The following PDE3B variants were observed in gnomAD, a reference collection of about 807,000 sequenced individuals.
The protein encoded by PDE3B is cGMP-inhibited 3',5'-cyclic phosphodiesterase 3B.
Under a neutral mutation model 116.8 loss-of-function variants are expected in PDE3B, and 66 were observed. The observed-to-expected ratio is 0.56, with a 90% confidence interval of 0.46 to 0.69. PDE3B has a LOEUF of 0.69. Among genes scored for constraint, PDE3B ranks in the 30% least tolerant of loss-of-function variants. PDE3B has a pLI of 0.00. For synonymous variants in PDE3B, 595 were observed against 533.6 expected, an observed-to-expected ratio of 1.12 and a Z score of -1.59; for missense variants, 1,384 against 1,368.1, an observed-to-expected ratio of 1.01 and a Z score of -0.18.
chr11:14,669,946 A>G (rs1041768606), intron 1 of PDE3B, among the ~76,000 whole-genome samples: 10 of 152,198 alleles, frequency 6.6e-5, no homozygotes, highest in African/African-American at 2.4e-4. Context: ...GTTAATCTTT[A>G]TATTGCATAT....
At chr11:14,663,593 A>C (rs980620955) in intron 1 of PDE3B, among the ~76,000 whole-genome samples, 1 of 152,226 alleles carries the variant, frequency 6.6e-6, no homozygotes, top group Non-Finnish European at 1.5e-5. Flanking sequence ...AGCCAATGGA[A>C]AACAAAAAAA....
intron 1 of PDE3B, among the ~76,000 whole-genome samples, chr11:14,664,751 G>C (rs1169254176): frequency 7.2e-5 from 11 of 152,122 alleles, no homozygotes; most frequent in Admixed American, 3.3e-4. Flanking sequence ...CCAATAACAG[G>C]CTCTGAAATT....
chr11:14,781,552 A>T (rs1054459734), intron 2 of PDE3B, among the ~76,000 whole-genome samples: 6 of 152,248 alleles, frequency 3.9e-5, no homozygotes, highest in African/African-American at 1.4e-4. Context: ...AGAACCAAAG[A>T]CAAAAACCAC....
At chr11:14,756,073 C>T (rs1857173090) in intron 1 of PDE3B, among the ~76,000 whole-genome samples, 2 of 152,020 alleles carry the variant, frequency 1.3e-5, no homozygotes, top group South Asian at 4.2e-4. Flanking sequence ...ATTAAGAATC[C>T]AAGGTTTAAT....
chr11:14,741,965 A>G (rs1856787350), intron 1 of PDE3B, among the ~76,000 whole-genome samples: 1 of 152,102 alleles, frequency 6.6e-6, no homozygotes, highest in Non-Finnish European at 1.5e-5. Flanking sequence ...ATCCGCTGTT[A>G]GTCTGATGGG....
chr11:14,742,823 T>C (rs931965512), intron 1 of PDE3B, among the ~76,000 whole-genome samples: 5 of 152,134 alleles, frequency 3.3e-5, no homozygotes. Flanking sequence ...GTCAGGCCCC[T>C]ATGCTGCAGG....
At chr11:14,739,647 G>A (rs531068377) in intron 1 of PDE3B, among the ~76,000 whole-genome samples, 13 of 152,292 alleles carry the variant, frequency 8.5e-5, no homozygotes, top group African/African-American at 3.1e-4. Context: ...TTGTTGACTA[G>A]GAGTGCTGAG....
At chr11:14,822,700 G>T (rs1348647508) in intron 7 of PDE3B, among the ~76,000 whole-genome samples, 2 of 152,246 alleles carry the variant, frequency 1.3e-5, no homozygotes, top group Non-Finnish European at 2.9e-5. Context: ...AGGAGCTATA[G>T]ATACTTGGGT....
At chr11:14,746,902 C>T (rs545093079) in intron 1 of PDE3B, among the ~76,000 whole-genome samples, 48 of 152,224 alleles carry the variant, frequency 3.2e-4, no homozygotes, top group African/African-American at 1.1e-3. Flanking sequence ...GACATTTTTG[C>T]ATCACTATAA....
chr11:14,805,047 A>G lies in PDE3B; in HGVS notation c.1522+997A>G, dbSNP rs1005941029. Among the ~76,000 whole-genome samples the G allele has an allele frequency of 3.9e-5, 6 of 152,178 alleles. No homozygotes were observed. The East Asian group carries it at 5.8e-4, about 15-fold the overall frequency. On this transcript the variant is annotated intron_variant, in intron 5 of 15. Coordinates refer to ENST00000282096, the MANE Select transcript of PDE3B (RefSeq NM_000922.4). ...ACATATGGGACACAGAAGTTCTAAAATATGTGTGACTGAAGTTCCAGAAGG... is the reference window on the plus strand; with the variant it reads ...ACATATGGGACACAGAAGTTCTAAAGTATGTGTGACTGAAGTTCCAGAAGG...
chr11:14,768,330 A>G (rs1857552423), intron 1 of PDE3B, among the ~76,000 whole-genome samples: 2 of 151,536 alleles, frequency 1.3e-5, no homozygotes, highest in African/African-American at 4.8e-5. Context: ...AGTTCCCTGT[A>G]TGTCACTCCT....
At position 14,694,426 on chromosome 11, in the gene PDE3B, C is replaced by T. The variant is rs965982762; in HGVS notation, c.978+49373C>T. Among the ~76,000 whole-genome samples the T allele has an allele frequency of 6.6e-5, 10 of 152,130 alleles. No homozygotes were observed. The East Asian group carries it at 9.6e-4, about 15-fold the overall frequency. On this transcript the variant is annotated intron_variant, in intron 1 of 15. Transcript: ENST00000282096. Reference sequence around the variant, plus strand: ...GTTTTAAGAAATTGCCACAGGCCACCCTGCCTTCAGCAACCACCACCCTGA... The same window carrying T: ...GTTTTAAGAAATTGCCACAGGCCACTCTGCCTTCAGCAACCACCACCCTGA...
At chr11:14,722,396 A>G (rs1250715477) in intron 1 of PDE3B, among the ~76,000 whole-genome samples, 1 of 152,048 alleles carries the variant, frequency 6.6e-6, no homozygotes. Flanking sequence ...CAGATAGAGT[A>G]AAAAAAATAA....
intron 4 of PDE3B, among the ~76,000 whole-genome samples, chr11:14,792,962 A>G (rs1167723569): frequency 6.6e-6 from 1 of 152,134 alleles, no homozygotes; most frequent in Admixed American, 6.6e-5. Context: ...TATGTCAGCC[A>G]TTACTACTCC....
At chr11:14,793,532 C>CCCA (rs1565139629) in intron 4 of PDE3B, among the ~76,000 whole-genome samples, 1 of 152,066 alleles carries the variant, frequency 6.6e-6, no homozygotes, top group Non-Finnish European at 1.5e-5. Flanking sequence ...GATGCTCAAC[C>CCCA]TATACTTAGA....
chr11:14,661,595 C>T (rs1183486396), intron 1 of PDE3B, among the ~76,000 whole-genome samples: 1 of 152,236 alleles, frequency 6.6e-6, no homozygotes, highest in African/African-American at 2.4e-5. Flanking sequence ...AATCGGGTCA[C>T]TCCCACCCTA....
intron 13 of PDE3B, among the ~76,000 whole-genome samples, 177 bp downstream of exon 13, chr11:14,859,423 T>A (rs1056155803): frequency 6.6e-6 from 1 of 152,224 alleles, no homozygotes; most frequent in Admixed American, 6.5e-5. Flanking sequence ...ATTGTTATGG[T>A]AACATTTCCT....
At chr11:14,743,278 G>C (rs1340631539) in intron 1 of PDE3B, among the ~76,000 whole-genome samples, 2 of 152,200 alleles carry the variant, frequency 1.3e-5, no homozygotes, top group Non-Finnish European at 2.9e-5. Context: ...GGAATCTAGA[G>C]AGGAAGTCTG....
chr11:14,800,160 A>C (rs1858703223), intron 4 of PDE3B, among the ~76,000 whole-genome samples: 1 of 152,150 alleles, frequency 6.6e-6, no homozygotes, highest in South Asian at 2.1e-4. Context: ...CTTGTCTGTA[A>C]AGTATTTTAT....
Sources: allele counts gnomAD v4.1 joint callset (sites outside exome capture counted in the v4.1 genomes callset), GRCh38; gene constraint gnomAD v4.1.1; transcripts MANE v1.5; gene names NCBI Gene and HGNC (gene_info 2026-07-23, HGNC 2026-07-21).